The following RNF13 variants were observed in gnomAD, a reference collection of about 807,000 sequenced individuals.
RNF13 encodes E3 ubiquitin-protein ligase RNF13.
Under a neutral mutation model 37.7 loss-of-function variants are expected in RNF13, and 19 were observed. That is an observed-to-expected ratio of 0.50 (90% CI 0.35 to 0.74). The LOEUF (loss-of-function observed/expected upper bound fraction) is 0.74. Ranked by LOEUF, RNF13 falls within the 30% of genes least tolerant of loss-of-function variation. The probability of loss-of-function intolerance (pLI) is 0.01; values close to 1 mark genes in which losing one functional copy is unlikely to be tolerated. For missense variants in RNF13, 375 were observed against 453.0 expected (o/e 0.83, Z 1.56); for synonymous variants, 144 against 157.8 (o/e 0.91, Z 0.65).
chr3:149,846,222 A>T (rs923208067), intron 2 of RNF13, 82 bp downstream of exon 2: 4 of 864,938 alleles, frequency 4.6e-6, no homozygotes, highest in Admixed American at 4.6e-5. Flanking sequence ...TATTTATAAG[A>T]CATTGTTATA....
chr3:149,921,504 A>G (rs1718126964), intron 8 of RNF13, among the ~76,000 whole-genome samples: 1 of 150,446 alleles, frequency 6.6e-6, no homozygotes, highest in Non-Finnish European at 1.5e-5. Flanking sequence ...CCCTGTGTCC[A>G]TGTGTTCTCA....
intron 2 of RNF13, among the ~76,000 whole-genome samples, chr3:149,848,902 C>T (rs1456555878): frequency 6.6e-6 from 1 of 152,066 alleles, no homozygotes; most frequent in African/African-American, 2.4e-5. Flanking sequence ...GCCATGAGTA[C>T]TTGGAAGGCA....
At chr3:149,859,204 G>A (rs545217739) in intron 3 of RNF13, among the ~76,000 whole-genome samples, 2 of 152,120 alleles carry the variant, frequency 1.3e-5, no homozygotes, top group African/African-American at 4.8e-5. Flanking sequence ...CTTTTTCAAA[G>A]GATAAATAAA....
At position 149,831,369 on chromosome 3, in the gene RNF13, C is replaced by T. The variant is rs188012044; in HGVS notation, c.-16-14642C>T. 1.7e-4 allele frequency among the ~76,000 whole-genome samples: 26 copies of T among 152,266 alleles called. 1 individual carries two copies. The East Asian group carries it at 4.1e-3, about 24-fold the overall frequency. Reference sequence around the variant, plus strand: ...ACAGGAGCAGAACTGCCCAAGTCTGCGGGAGCCCACCTCTTCCTCAGCATG... The same window carrying T: ...ACAGGAGCAGAACTGCCCAAGTCTGTGGGAGCCCACCTCTTCCTCAGCATG... On this transcript the variant is annotated intron_variant, in intron 1 of 9. Transcript: ENST00000392894.
At chr3:149,891,216 TAGA>T (rs1240438690) in intron 4 of RNF13, among the ~76,000 whole-genome samples, 1 of 152,208 alleles carries the variant, frequency 6.6e-6, no homozygotes, top group African/African-American at 2.4e-5. Flanking sequence ...TTCTAAACTA[TAGA>T]AAAGAATATC....
chr3:149,959,436 G>A (rs911895997), intron 8 of RNF13, among the ~76,000 whole-genome samples: 2 of 152,194 alleles, frequency 1.3e-5, no homozygotes, highest in Non-Finnish European at 2.9e-5. Context: ...AAATTCCACA[G>A]TAAGACAATT....
At chr3:149,847,027 C>T (rs1278684382) in intron 2 of RNF13, among the ~76,000 whole-genome samples, 1 of 152,108 alleles carries the variant, frequency 6.6e-6, no homozygotes, top group African/African-American at 2.4e-5. Flanking sequence ...AGATGGTCTC[C>T]AGCTTAAGAT....
intron 4 of RNF13, among the ~76,000 whole-genome samples, chr3:149,875,468 GTATGT>G (rs1223648994): frequency 3.9e-5 from 6 of 152,152 alleles, no homozygotes; most frequent in African/African-American, 1.2e-4. Context: ...TAAGTGGAAT[GTATGT>G]TATAATTTTT....
intron 4 of RNF13, among the ~76,000 whole-genome samples, chr3:149,888,757 C>A (rs1714320950): frequency 6.6e-6 from 1 of 152,122 alleles, no homozygotes; most frequent in South Asian, 2.1e-4. Flanking sequence ...ACCATTCTTG[C>A]AGGTGTGTAG....
intron 1 of RNF13, among the ~76,000 whole-genome samples, chr3:149,844,992 C>G (rs1722511734): frequency 6.6e-6 from 1 of 152,146 alleles, no homozygotes; most frequent in Non-Finnish European, 1.5e-5. Context: ...CCCTAGGCAA[C>G]CACTAATTTA....
At chr3:149,873,314 T>C (rs925444337) in intron 4 of RNF13, among the ~76,000 whole-genome samples, 1 of 152,160 alleles carries the variant, frequency 6.6e-6, no homozygotes, top group African/African-American at 2.4e-5. Flanking sequence ...ATAACTTTCC[T>C]TTATAGGCAG....
chr3:149,960,286 T>C, intron 9 of RNF13, 150 bp downstream of exon 9: 1 of 580,710 alleles, frequency 1.7e-6, no homozygotes, highest in South Asian at 2.2e-5. Context: ...TGGAGGTGTA[T>C]TTATAAAAAT....
At chr3:149,919,307 C>A (rs1021660980) in intron 7 of RNF13, among the ~76,000 whole-genome samples, 1 of 152,110 alleles carries the variant, frequency 6.6e-6, no homozygotes, top group African/African-American at 2.4e-5. Flanking sequence ...TGCGAAACCA[C>A]CACCACCACA....
chr3:149,871,681 A>G (rs1712077022), intron 3 of RNF13, among the ~76,000 whole-genome samples: 1 of 152,050 alleles, frequency 6.6e-6, no homozygotes, highest in African/African-American at 2.4e-5. Context: ...GTCTGCTAAC[A>G]TGAAAGAAAG....
chr3:149,894,134 G>C (rs1386275133), intron 4 of RNF13, among the ~76,000 whole-genome samples: 1 of 152,104 alleles, frequency 6.6e-6, no homozygotes, highest in Non-Finnish European at 1.5e-5. Context: ...TTAATTTCTT[G>C]GGGCAGTCAT....
At chr3:149,904,103 A>G (rs185072425) in intron 6 of RNF13, among the ~76,000 whole-genome samples, 77 of 152,290 alleles carry the variant, frequency 5.1e-4, no homozygotes, top group African/African-American at 1.8e-3. Flanking sequence ...GGAAATATAT[A>G]TGGCTTTTAA....
chr3:149,826,507 T>C (rs1241086333), intron 1 of RNF13, among the ~76,000 whole-genome samples: 1 of 152,238 alleles, frequency 6.6e-6, no homozygotes, highest in East Asian at 1.9e-4. Context: ...TGTTGCTTGC[T>C]CATTTAAGAA....
intron 1 of RNF13, among the ~76,000 whole-genome samples, chr3:149,825,578 A>G (rs9847258): frequency 0.9 from 136,936 of 152,216 alleles, 61,700 homozygotes; most frequent in African/African-American, 0.94. Flanking sequence ...TTTATTGTTT[A>G]CCGGGCAACC....
chr3:149,879,969 A>C (rs1464896170), intron 4 of RNF13, among the ~76,000 whole-genome samples: 1 of 152,168 alleles, frequency 6.6e-6, no homozygotes, highest in African/African-American at 2.4e-5. Context: ...TTGGGAGTAG[A>C]GCTTATGTTT....
Sources: gnomAD v4.1 joint callset for allele counts (sites outside exome capture counted in the v4.1 genomes callset) on GRCh38, gnomAD v4.1.1 for gene constraint, MANE v1.5 for transcripts, NCBI Gene and HGNC (gene_info 2026-07-23, HGNC 2026-07-21) for gene names.